Variants in CAPN7 observed in about 807,000 individuals in gnomAD.
The protein encoded by CAPN7 is calpain 7, also known as calpain-7.
Under a neutral mutation model 115.2 loss-of-function variants are expected in CAPN7, and 72 were observed. The observed-to-expected ratio is 0.63, with a 90% CI of 0.52 to 0.76. CAPN7 has a LOEUF of 0.76. Among genes scored for constraint, CAPN7 ranks in the 30% least tolerant of loss-of-function variants. The pLI is 0.00. For missense variants in CAPN7, 905 were observed against 971.5 expected, an observed-to-expected ratio of 0.93 and a Z score of 0.91; for synonymous variants, 344 against 322.3, an observed-to-expected ratio of 1.07 and a Z score of -0.72.
intron 19 of CAPN7, among the ~76,000 whole-genome samples, chr3:15,250,532 C>G (rs537102769): frequency 6.6e-6 from 1 of 151,974 alleles, no homozygotes; most frequent in South Asian, 2.1e-4. Flanking sequence ...TTTAGCCAGG[C>G]ACAGTGGCAT....
At chr3:15,230,982 A>G (rs547178933) in intron 9 of CAPN7, among the ~76,000 whole-genome samples, 2 of 151,724 alleles carry the variant, frequency 1.3e-5, no homozygotes, top group South Asian at 4.1e-4. Flanking sequence ...TCTTTAAGGA[A>G]AGACTCTGAA....
intron 1 of CAPN7, 78 bp downstream of exon 1, chr3:15,206,675 C>T (rs1392959043): frequency 1.8e-6 from 2 of 1,084,424 alleles, no homozygotes; most frequent in South Asian, 3.0e-5. Flanking sequence ...GGGCGGGATC[C>T]GGGTGCGGAG....
chr3:15,232,221 A>G (rs1033738175), intron 9 of CAPN7: 6 of 341,500 alleles, frequency 1.8e-5, no homozygotes, highest in South Asian at 7.5e-5. Flanking sequence ...GAGCATTTCA[A>G]ATTTTAGATT....
chr3:15,208,210 C>CTT (rs537018111), intron 1 of CAPN7, among the ~76,000 whole-genome samples: 17 of 124,352 alleles, frequency 1.4e-4, no homozygotes, highest in African/African-American at 4.4e-4. Context: ...TGTGTATATG[C>CTT]TTTTTTTTTT....
At chr3:15,228,003 G>T in intron 7 of CAPN7, 38 bp downstream of exon 7, 1 of 1,360,706 alleles carries the variant, frequency 7.3e-7, no homozygotes, top group South Asian at 2.1e-5. Context: ...AGAAAAGTCA[G>T]CATTTTAAAG....
intron 5 of CAPN7, among the ~76,000 whole-genome samples, chr3:15,221,492 T>A (rs928120623): frequency 2.6e-5 from 4 of 151,726 alleles, no homozygotes; most frequent in Non-Finnish European, 5.9e-5. Context: ...TGTGCCCGGC[T>A]TTAGTTCCAG....
chr3:15,225,971 G>C (rs180891880), intron 6 of CAPN7, among the ~76,000 whole-genome samples: 2 of 152,084 alleles, frequency 1.3e-5, no homozygotes, highest in Non-Finnish European at 2.9e-5. Context: ...TTTATCTTTC[G>C]CTAGAGAGAT....
chr3:15,246,740 A>G lies in CAPN7; in HGVS notation c.2019A>G (p.Ser673=). 3.1e-6 allele frequency: 5 copies of G among 1,602,118 alleles called. No homozygotes were observed. The highest frequency in any genetic ancestry group is 4.3e-6 in the Non-Finnish European group (5 of 1,170,540). The stretch of plus-strand genomic sequence containing the variant: ...TCTTTTTTTAAATCTAGGTATATTC[A>G]GCATGCAGCTTTACTTTTTCAAAGA... The part of the protein sequence containing the change: ...NTIHYTVRVY[S]ACSFTFSKIP... Residue 673 remains serine, a synonymous_variant, in exon 18 of 21, where the codon TCA becomes TCG. Coordinates refer to ENST00000253693, the MANE Select transcript of CAPN7 (RefSeq NM_014296.3).
At position 15,223,529 on chromosome 3, in the gene CAPN7, G is replaced by T; in HGVS notation, c.693G>T (p.Leu231=). The change falls in exon 6 of 21, where the codon CTG becomes CTT. Residue 231 remains leucine (L), a synonymous_variant. Coordinates refer to ENST00000253693, the MANE Select transcript of CAPN7 (RefSeq NM_014296.3). ...ATGTTCCTTTCATGAATGTTGACCT[G>T]AGAGAACGTTTTGCCTATCCAATGC... ...IEYVPFMNVD[L]RERFAYPMPF... is the part of the protein sequence containing the mutation. The T allele has an allele frequency of 1.2e-6, 2 of 1,607,298 alleles. No homozygotes were observed. Among genetic ancestry groups the T allele is most frequent in the Middle Eastern group, 1.7e-4 (1 of 6,040 alleles).
intron 19 of CAPN7, among the ~76,000 whole-genome samples, chr3:15,250,563 T>A (rs1158169469): frequency 6.6e-6 from 1 of 152,082 alleles, no homozygotes; most frequent in Non-Finnish European, 1.5e-5. Context: ...TCCCAACTAT[T>A]CAGAAGGCTG....
intron 2 of CAPN7, among the ~76,000 whole-genome samples, chr3:15,212,418 T>C (rs978699697): frequency 4.6e-5 from 7 of 152,364 alleles, no homozygotes; most frequent in African/African-American, 1.7e-4. Flanking sequence ...ATAGACAATA[T>C]AGTCCAGTTT....
chr3:15,244,443 T>C (rs1559410786), intron 16 of CAPN7, among the ~76,000 whole-genome samples: 1 of 152,218 alleles, frequency 6.6e-6, no homozygotes, highest in Admixed American at 6.5e-5. Flanking sequence ...TTGTTCCCTG[T>C]TTGACAGAAG....
At position 15,217,452 on chromosome 3, in the gene CAPN7, A is replaced by G; in HGVS notation, c.239A>G (p.Lys80Arg). 6.2e-7 allele frequency: 1 copy of G among 1,613,588 alleles called. No homozygotes were observed. The highest frequency in any genetic ancestry group is 8.5e-7 in the Non-Finnish European group (1 of 1,179,798). ...AVQSKSADPLKSKHQLDLERA... is the reference protein window; with the variant it reads ...AVQSKSADPLRSKHQLDLERA... ...CAGTCAAAGAGTGCTGATCCTTTGA[A>G]GTCAAAACATCAGTTGGACTTAGAG... Residue 80 changes from lysine to arginine, a missense_variant, in exon 3 of 21, where the codon AAG becomes AGG. Around this residue, in one of 3 missense-constraint regions of CAPN7, gnomAD observed 271 missense variants for 239.6 expected, o/e 1.13. Coordinates refer to ENST00000253693, the MANE Select transcript of CAPN7 (RefSeq NM_014296.3).
Position 15,247,283 on chromosome 3 carries a change from T to C in CAPN7, c.2074-44T>C, listed in dbSNP as rs753389427. On this transcript the variant is annotated intron_variant, in intron 18 of 20. Coordinates refer to ENST00000253693, the MANE Select transcript of CAPN7 (RefSeq NM_014296.3). ...AAGGAGTTTTGTCTTTAAGTGGAAT[T>C]GGAAATGAAATTTTGTTAATACTAA... is the stretch of plus-strand genomic sequence containing the variant. 3.6e-6 allele frequency: 5 copies of C among 1,389,942 alleles called. No individual in the cohort carries two copies. In the African/African-American group the frequency reaches 7.7e-5, roughly 21 times the overall value. 86.1% of individuals were successfully genotyped at this position (1,389,942 alleles called of 1,614,324 possible).
chr3:15,247,825 A>G (rs1372202388), intron 19 of CAPN7, among the ~76,000 whole-genome samples: 1 of 152,176 alleles, frequency 6.6e-6, no homozygotes, highest in East Asian at 1.9e-4. Context: ...CATTGATAAG[A>G]AAAAAATCTG....
intron 12 of CAPN7, among the ~76,000 whole-genome samples, chr3:15,236,708 G>C (rs1049885457): frequency 3.3e-5 from 5 of 152,206 alleles, no homozygotes; most frequent in African/African-American, 1.2e-4. Context: ...CTACAAACCT[G>C]TACAGCATGT....
In CAPN7 at chr3:15,231,534, C is replaced by CT. The variant is rs554157490; in HGVS notation, c.1033-972dup. Among the ~76,000 whole-genome samples, 555 of 145,406 alleles carry CT rather than the reference C, an allele frequency of 3.8e-3. 3 individuals carry two copies. The highest frequency in any genetic ancestry group is 0.01 in the African/African-American group (410 of 39,958). ...TCTTATCCTCATATCTCTGAGAACA[C>CT]TTTTTTTTTTTTTGAGATGGAGTCT... On this transcript the variant is annotated intron_variant, in intron 9 of 20. Coordinates refer to ENST00000253693, the MANE Select transcript of CAPN7 (RefSeq NM_014296.3).
chr3:15,240,923 T>G, intron 14 of CAPN7, 70 bp downstream of exon 14: 1 of 1,008,668 alleles, frequency 9.9e-7, no homozygotes, highest in Non-Finnish European at 1.5e-6. Flanking sequence ...AACATAATGG[T>G]GCCAGGCGCA....
intron 4 of CAPN7, among the ~76,000 whole-genome samples, chr3:15,219,079 G>A (rs1057396314): frequency 1.3e-5 from 2 of 152,104 alleles, no homozygotes; most frequent in African/African-American, 4.8e-5. Context: ...AGATTTACTA[G>A]CTTATTATAT....
Sources: gnomAD v4.1 joint callset for allele counts (sites outside exome capture counted in the v4.1 genomes callset) on GRCh38, gnomAD v4.1.1 for gene constraint, gnomAD v4.1.1 regional missense constraint, MANE v1.5 for transcripts, NCBI Gene and HGNC (gene_info 2026-07-23, HGNC 2026-07-21) for gene names.